CFAP54: variants seen among roughly 807,000 people sequenced by gnomAD.
CFAP54 encodes the protein cilia- and flagella-associated protein 54.
CFAP54 carries 290 observed loss-of-function variants against 370.4 expected under a neutral mutation model. The observed-to-expected ratio is 0.78, with a 90% CI of 0.71 to 0.86. CFAP54 has a LOEUF of 0.86. CFAP54 is among the 40% of genes least tolerant of loss of function. The pLI is 0.00. For missense variants in CFAP54, 3,399 were observed against 3,528.7 expected, an observed-to-expected ratio of 0.96 and a Z score of 0.93; for synonymous variants, 1,206 against 1,236.5, an observed-to-expected ratio of 0.98 and a Z score of 0.52.
intron 4 of CFAP54, among the ~76,000 whole-genome samples, chr12:96,508,126 C>CTTTTTTTTTTTTTTTT (rs398020728): frequency 8.9e-6 from 1 of 112,232 alleles, no homozygotes; most frequent in Non-Finnish European, 1.7e-5. Context: ...CAAACATAGT[C>CTTTTTTTTTTTTTTTT]TTTTTTTTTT....
Position 96,756,499 on chromosome 12 carries a change from AGT to A in CFAP54, c.7883_7884del (p.Ser2628IlefsTer4), listed in dbSNP as rs750013045. On this transcript the variant is annotated frameshift_variant, in exon 57 of 68. Transcript: ENST00000524981. LOFTEE classifies it high-confidence loss of function. ...RQILMEEKSPSFQLESLYEAI... is the reference protein window; with the variant it reads ...RQILMEEKSPXFQLESLYEAI... ...AATACTAATGGAAGAGAAATCTCCA[AGT>A]TTTCAACTTGAGAGTTTATATGAAG... 1.7e-5 allele frequency: 28 copies of A among 1,604,096 alleles called. No individual in the cohort carries two copies. The African/African-American group carries it at 3.6e-4, about 21-fold the overall frequency.
At chr12:96,582,925 A>G (rs1451740124) in intron 22 of CFAP54, among the ~76,000 whole-genome samples, 1 of 152,198 alleles carries the variant, frequency 6.6e-6, no homozygotes, top group Non-Finnish European at 1.5e-5. Flanking sequence ...AAGTTTCAGC[A>G]AGTTAATGTA....
Position 96,691,155 on chromosome 12 carries a change from C to T in CFAP54, c.6109C>T (p.Pro2037Ser). The change falls in exon 44 of 68, where the codon CCC becomes TCC. Residue 2037 changes from proline (P) to serine (S), a missense_variant. Physicochemically the swap from Pro to Ser is moderately conservative, Grantham distance 74. This residue lies in a region of CFAP54 where 2,796 missense variants were observed against 2,869.7 expected (regional missense o/e 0.97). Coordinates refer to ENST00000524981, the MANE Select transcript of CFAP54 (RefSeq NM_001306084.2). ...TTTGCTTAGAACAACACTTCCACAT[C>T]CCAAAGCTGAACGTTGCTATGCTCA... Reference protein sequence around the residue: ...QGLLRTTLPHPKAERCYAQYE... With the variant: ...QGLLRTTLPHSKAERCYAQYE... 1.9e-6 allele frequency: 3 copies of T among 1,613,566 alleles called. No individual in the cohort carries two copies. The highest frequency in any genetic ancestry group is 2.5e-6 in the Non-Finnish European group (3 of 1,179,728).
chr12:96,532,355 G>C (rs915997635), intron 9 of CFAP54, among the ~76,000 whole-genome samples: 1 of 152,194 alleles, frequency 6.6e-6, no homozygotes, highest in South Asian at 2.1e-4. Context: ...TAGTGTGTGG[G>C]TGTGGGCACA....
At chr12:96,541,288 T>C (rs1352039754) in intron 14 of CFAP54, among the ~76,000 whole-genome samples, 1 of 86,302 alleles carries the variant, frequency 1.2e-5, no homozygotes, top group African/African-American at 4.1e-5. Context: ...TTTCTCTCCC[T>C]TTTTTTTTTT....
intron 37 of CFAP54, 21 bp downstream of exon 37, chr12:96,658,126 A>C (rs1394703736): frequency 6.9e-6 from 11 of 1,588,700 alleles, no homozygotes; most frequent in Non-Finnish European, 9.4e-6. Context: ...CTGTAAGGGC[A>C]ATTAAAAGTA....
intron 35 of CFAP54, among the ~76,000 whole-genome samples, chr12:96,651,238 G>A (rs374151499): frequency 3.3e-5 from 5 of 152,078 alleles, no homozygotes; most frequent in African/African-American, 7.2e-5. Context: ...TCTAGTGTCC[G>A]TCTCCCGAAA....
At chr12:96,727,247 C>T (rs939501098) in intron 50 of CFAP54, among the ~76,000 whole-genome samples, 16 of 152,140 alleles carry the variant, frequency 1.1e-4, no homozygotes, top group African/African-American at 2.9e-4. Context: ...CTTTCTGTCT[C>T]GTTGATCTGT....
chr12:96,826,860 A>C (rs1463344121), intron 65 of CFAP54, among the ~76,000 whole-genome samples: 7 of 118,012 alleles, frequency 5.9e-5, no homozygotes, highest in East Asian at 2.4e-4. Context: ...ATAATATATT[A>C]TATAATATTA....
intron 3 of CFAP54, among the ~76,000 whole-genome samples, chr12:96,505,837 CTGCATGAGCCTGG>C (rs1955093796): frequency 8.2e-6 from 1 of 121,772 alleles, no homozygotes; most frequent in Non-Finnish European, 1.9e-5. Flanking sequence ...CCCTTCAATG[CTGCATGAGCCTGG>C]TGCATGAGCC....
At chr12:96,722,572 C>T (rs556631168) in intron 50 of CFAP54, among the ~76,000 whole-genome samples, 1 of 152,168 alleles carries the variant, frequency 6.6e-6, no homozygotes, top group South Asian at 2.1e-4. Context: ...TAAAGACTGA[C>T]TTTGAGTGAA....
intron 1 of CFAP54, among the ~76,000 whole-genome samples, chr12:96,495,802 G>A (rs777974309): frequency 6.6e-6 from 1 of 151,850 alleles, no homozygotes; most frequent in African/African-American, 2.4e-5. Context: ...CAAAAAAAGA[G>A]ATTTTTTCTT....
intron 13 of CFAP54, among the ~76,000 whole-genome samples, chr12:96,539,232 T>C (rs188116620): frequency 0.011 from 1,636 of 151,922 alleles, 21 homozygotes; most frequent in Non-Finnish European, 0.016. Flanking sequence ...GGCTAATTTT[T>C]GTATTTTTAG....
intron 48 of CFAP54, among the ~76,000 whole-genome samples, chr12:96,713,572 A>G (rs543712186): frequency 6.6e-6 from 1 of 152,310 alleles, no homozygotes; most frequent in East Asian, 1.9e-4. Flanking sequence ...AAATAAACAC[A>G]AAAAATACTC....
intron 66 of CFAP54, among the ~76,000 whole-genome samples, chr12:96,836,746 CA>C (rs2136768547): frequency 6.6e-6 from 1 of 152,286 alleles, no homozygotes; most frequent in Admixed American, 6.5e-5. Flanking sequence ...ACTACATTAT[CA>C]AGTACATTAT....
At chr12:96,682,750 A>G (rs568734166) in intron 40 of CFAP54, among the ~76,000 whole-genome samples, 1 of 152,298 alleles carries the variant, frequency 6.6e-6, no homozygotes, top group Non-Finnish European at 1.5e-5. Context: ...TTTAAAAGAA[A>G]GATAAAAGAA....
At chr12:96,735,635 T>C (rs1350176639) in intron 50 of CFAP54, among the ~76,000 whole-genome samples, 1 of 152,178 alleles carries the variant, frequency 6.6e-6, no homozygotes, top group Non-Finnish European at 1.5e-5. Flanking sequence ...AGTATAAAGA[T>C]AACTAACAAT....
rs953873091 is a variant in CFAP54, at chr12:96,572,967, G to C, written c.2620-3618G>C. 4 of 985,218 alleles carry C rather than the reference G, an allele frequency of 4.1e-6. No homozygotes were observed. The Admixed American group carries it at 2.5e-4, about 61-fold the overall frequency. 61.0% of individuals were successfully genotyped at this position (985,218 alleles called of 1,614,324 possible). On this transcript the variant is annotated intron_variant, in intron 19 of 67. Transcript: ENST00000524981. ...AGTCAGAAGGTGCTAGTGTTCAATT[G>C]GTTCACTGAATCAGGAACTACCAAG...
At chr12:96,729,546 C>T (rs1957890401) in intron 50 of CFAP54, among the ~76,000 whole-genome samples, 1 of 152,214 alleles carries the variant, frequency 6.6e-6, no homozygotes, top group South Asian at 2.1e-4. Context: ...CGGAAAAGCT[C>T]AGTATTCGGG....
Sources: gnomAD v4.1 joint callset for allele counts (sites outside exome capture counted in the v4.1 genomes callset) on GRCh38, gnomAD v4.1.1 for gene constraint, gnomAD v4.1.1 regional missense constraint, MANE v1.5 for transcripts, NCBI Gene and HGNC (gene_info 2026-07-23, HGNC 2026-07-21) for gene names.